OLFM1: variants seen among roughly 807,000 people sequenced by gnomAD.
OLFM1 encodes noelin.
In OLFM1, 9 loss-of-function variants were observed where a neutral mutation model predicts 49.7. The ratio of observed to expected loss-of-function variants is 0.18; its 90% confidence interval spans 0.11 to 0.32. The LOEUF is 0.32. OLFM1 is among the 10% of genes least tolerant of loss of function. The pLI, the probability that OLFM1 is intolerant of heterozygous loss-of-function variation, is 1.00. For synonymous variants in OLFM1, 240 were observed against 271.8 expected (o/e 0.88, Z 1.15); for missense variants, 369 against 661.8 (o/e 0.56, Z 4.85).
At chr9:135,081,602 G>A (rs1384597098) in intron 1 of OLFM1, among the ~76,000 whole-genome samples, 1 of 152,210 alleles carries the variant, frequency 6.6e-6, no homozygotes, top group African/African-American at 2.4e-5. Flanking sequence ...GTTCTCTGGA[G>A]TGTAAGGTTA....
At position 135,088,896 on chromosome 9, in the gene OLFM1, C is replaced by T. The variant is rs1367010742; in HGVS notation, c.150+757C>T. On this transcript the variant is annotated intron_variant, in intron 1 of 5. Transcript: ENST00000371793. This position sits in a 1 kb window ranked among gnomAD's most constrained non-coding sequence, Gnocchi z 4.8. Reference sequence around the variant, plus strand: ...CTCTCGAGCCTAGCGGGAGGGGAACCGTGGCCGGGGCTGCTTCTGGGCAGA... The same window carrying T: ...CTCTCGAGCCTAGCGGGAGGGGAACTGTGGCCGGGGCTGCTTCTGGGCAGA... Among the ~76,000 whole-genome samples, 1 of 152,144 alleles carries T rather than the reference C, an allele frequency of 6.6e-6. No individual in the cohort carries two copies. Among genetic ancestry groups the T allele is most frequent in the African/African-American group, 2.4e-5 (1 of 41,442 alleles).
chr9:135,087,135 C>T, upstream of OLFM1: 3 of 1,145,378 alleles, frequency 2.6e-6, no homozygotes, highest in South Asian at 5.2e-5. Flanking sequence ...GCAGGGGCGC[C>T]TTTAGCTCTC....
At chr9:135,105,759 G>C (rs571976002) in intron 4 of OLFM1, 1 of 152,488 alleles carries the variant, frequency 6.6e-6, no homozygotes, top group African/African-American at 2.4e-5. Flanking sequence ...ACAGGGCAGG[G>C]TGCGGGGACT....
At chr9:135,110,256 CTGCTCTGACCA>C in intron 5 of OLFM1, among the ~76,000 whole-genome samples, 1 of 152,158 alleles carries the variant, frequency 6.6e-6, no homozygotes, top group South Asian at 2.1e-4. Context: ...GGCTTCTGGC[CTGCTCTGACCA>C]TGGCCTGCCT....
In OLFM1 at chr9:135,088,735, C is replaced by A. The variant is rs951920769; in HGVS notation, c.150+596C>A. On this transcript the variant is annotated intron_variant, in intron 1 of 5. Coordinates refer to ENST00000371793, the MANE Select transcript of OLFM1 (RefSeq NM_001282611.2). The surrounding 1 kb of genome is among the most constrained non-coding windows in gnomAD (Gnocchi z 4.8). ...CAGTCCATAGGAGGGTTTGTTCCTT[C>A]TCCTCCGAGGACGGTGCCGAGGGGC... is the stretch of plus-strand genomic sequence containing the variant. Among the ~76,000 whole-genome samples, 2 of 152,200 alleles carry A rather than the reference C, an allele frequency of 1.3e-5. No individual in the cohort carries two copies.
intron 2 of OLFM1, among the ~76,000 whole-genome samples, chr9:135,093,285 C>T (rs1830740457): frequency 6.6e-6 from 1 of 152,188 alleles, no homozygotes; most frequent in Non-Finnish European, 1.5e-5. Flanking sequence ...GCACGGGCTC[C>T]GTTCTCTTTG....
chr9:135,116,398 G>A (rs1292107355), intron 5 of OLFM1, among the ~76,000 whole-genome samples: 2 of 152,112 alleles, frequency 1.3e-5, no homozygotes, highest in African/African-American at 4.8e-5. Context: ...TTCAGAGTGC[G>A]GTATCCTGTG....
rs779294637 is a variant in OLFM1 at position 135,088,126 on chromosome 9, A to G, written c.137A>G (p.Asp46Gly). The G allele has an allele frequency of 1.4e-6, 2 of 1,380,898 alleles. No homozygotes were observed. Among genetic ancestry groups the G allele is most frequent in the Admixed American group, 2.6e-5 (1 of 38,120 alleles). 85.5% of individuals were successfully genotyped at this position (1,380,898 alleles called of 1,614,324 possible). A position where few individuals can be genotyped will look rare whatever the true frequency, so the allele number is the denominator to read the frequency against. Reference sequence around the variant, plus strand: ...TCGGCGGCCGGCGGCGGGACGCTGGACCGCAGCACCGGCGTAAGTGCGCCC... The same window carrying G: ...TCGGCGGCCGGCGGCGGGACGCTGGGCCGCAGCACCGGCGTAAGTGCGCCC... ...KLSAAGGGTLDRSTGVLPTNP... is the reference protein window; with the variant it reads ...KLSAAGGGTLGRSTGVLPTNP... Residue 46 changes from aspartate (D) to glycine (G), a missense_variant, in exon 1 of 6, where the codon GAC becomes GGC. Physicochemically the swap from Asp to Gly is moderately conservative, Grantham distance 94. Around this residue, in one of 3 missense-constraint regions of OLFM1, gnomAD observed 55 missense variants for 53.3 expected, o/e 1.03. Coordinates refer to ENST00000371793, the MANE Select transcript of OLFM1 (RefSeq NM_001282611.2). This position sits in a 1 kb window ranked among gnomAD's most constrained non-coding sequence, Gnocchi z 4.8.
rs1192593825 is a variant in OLFM1 at position 135,120,096 on chromosome 9, G to A, written c.1376G>A (p.Arg459Gln). The A allele has an allele frequency of 3.7e-6, 6 of 1,613,998 alleles. No individual in the cohort carries two copies. Among genetic ancestry groups the A allele is most frequent in the African/African-American group, 1.3e-5 (1 of 74,996 alleles). ...ATGCTGGACTACAACCCCAAGGACCGGGCCCTGTATGCCTGGAACAACGGC... is the reference window on the plus strand; with the variant it reads ...ATGCTGGACTACAACCCCAAGGACCAGGCCCTGTATGCCTGGAACAACGGC... ...ISMLDYNPKD[R>Q]ALYAWNNGHQ... Residue 459 changes from arginine to glutamine, a missense_variant, in exon 6 of 6, where the codon CGG becomes CAG. Physicochemically the swap from Arg to Gln is conservative, Grantham distance 43. Transcript: ENST00000371793.
intron 1 of OLFM1, among the ~76,000 whole-genome samples, chr9:135,081,429 C>T (rs1211474163): frequency 6.6e-5 from 10 of 152,198 alleles, no homozygotes; most frequent in South Asian, 2.1e-4. Flanking sequence ...CGTGCACGGC[C>T]GGCTGCTGAC....
At chr9:135,076,687 G>C in intron 1 of OLFM1, 1 of 1,373,808 alleles carries the variant, frequency 7.3e-7, no homozygotes, top group Non-Finnish European at 9.6e-7. Context: ...GCCACGCTCT[G>C]AACTGGGAGA....
At chr9:135,091,138 A>T (rs1830679917) in intron 2 of OLFM1, among the ~76,000 whole-genome samples, 1 of 152,206 alleles carries the variant, frequency 6.6e-6, no homozygotes, top group Non-Finnish European at 1.5e-5. Flanking sequence ...GGCCGAGCTC[A>T]TCACCTGGTT....
In OLFM1 at chr9:135,087,864, G is replaced by T; in HGVS notation, c.-126G>T. 1 of 958,958 alleles carries T rather than the reference G, an allele frequency of 1.0e-6. No homozygotes were observed. The highest frequency in any genetic ancestry group is 4.7e-5 in the South Asian group (1 of 21,440). The allele number at this position is 958,958 out of a possible 1,614,324, so 59.4% of individuals were successfully genotyped here. On this transcript the variant is annotated 5_prime_UTR_variant, in exon 1 of 6. Coordinates refer to ENST00000371793, the MANE Select transcript of OLFM1 (RefSeq NM_001282611.2). ...GCGGCGGCGGCGGGCGGGCGGCGGCGGGCCGAGGGGGCGCGGGGACACAGC... is the reference window on the plus strand; with the variant it reads ...GCGGCGGCGGCGGGCGGGCGGCGGCTGGCCGAGGGGGCGCGGGGACACAGC...
intron 1 of OLFM1, among the ~76,000 whole-genome samples, chr9:135,081,190 T>A (rs1016772990): frequency 6.6e-6 from 1 of 152,058 alleles, no homozygotes; most frequent in Non-Finnish European, 1.5e-5. Flanking sequence ...AGCCTGCCCA[T>A]CCACCCAGCA....
At chr9:135,084,620 C>T (rs982619936), upstream of OLFM1, among the ~76,000 whole-genome samples, 1 of 151,160 alleles carries the variant, frequency 6.6e-6, no homozygotes, top group East Asian at 1.9e-4. This position sits in a 1 kb window ranked among gnomAD's most constrained non-coding sequence, Gnocchi z 4.6. Context: ...TTCTCCCCTT[C>T]TCCCTCCCTT....
Position 135,091,777 on chromosome 9 carries a change from ACACT to A in OLFM1, c.300+1437_300+1440del, listed in dbSNP as rs532906044. On this transcript the variant is annotated intron_variant, in intron 2 of 5. Coordinates refer to ENST00000371793, the MANE Select transcript of OLFM1 (RefSeq NM_001282611.2). ...CACACACACTCACACAGTCACACAC[ACACT>A]CACACATAGTCACACAGTCACACAC... Among the ~76,000 whole-genome samples, 42 of 146,420 alleles carry A rather than the reference ACACT, an allele frequency of 2.9e-4. 1 individual carries two copies. In the South Asian group the frequency reaches 6.7e-3, roughly 23 times the overall value.
chr9:135,091,355 G>GC (rs1468068618), intron 2 of OLFM1, among the ~76,000 whole-genome samples: 1 of 152,180 alleles, frequency 6.6e-6, no homozygotes, highest in Non-Finnish European at 1.5e-5. Flanking sequence ...AGGTGCATTT[G>GC]CATGTAGTGC....
intron 4 of OLFM1, among the ~76,000 whole-genome samples, chr9:135,099,492 C>T (rs933555456): frequency 4.6e-5 from 7 of 152,058 alleles, no homozygotes; most frequent in Non-Finnish European, 1.0e-4. Context: ...AAAAAAAAAC[C>T]TCTAATGTTA....
In OLFM1 at chr9:135,087,816, C is replaced by T. The variant is rs940877585; in HGVS notation, c.-174C>T. On this transcript the variant is annotated 5_prime_UTR_variant, in exon 1 of 6. Transcript: ENST00000371793. Reference sequence around the variant, plus strand: ...TCCCTGGCGCCCGGGGAAGGCGCGGCGATGGCCGGGGCGCGCGGGGCGGCG... The same window carrying T: ...TCCCTGGCGCCCGGGGAAGGCGCGGTGATGGCCGGGGCGCGCGGGGCGGCG... The T allele has an allele frequency of 1.2e-6, 1 of 838,606 alleles. No homozygotes were observed. The highest frequency in any genetic ancestry group is 1.4e-6 in the Non-Finnish European group (1 of 698,720). The allele number at this position is 838,606 out of a possible 1,614,324, so 51.9% of individuals were successfully genotyped here.
Sources: gnomAD v4.1 joint callset for allele counts (sites outside exome capture counted in the v4.1 genomes callset) on GRCh38, gnomAD v4.1.1 for gene constraint, gnomAD v4.1.1 regional missense constraint, Gnocchi (gnomAD v3.1) non-coding constraint, MANE v1.5 for transcripts, NCBI Gene and HGNC (gene_info 2026-07-23, HGNC 2026-07-21) for gene names.